The following RAB15 variants were observed in gnomAD, a reference collection of about 807,000 sequenced individuals.
RAB15 encodes RAB15, member RAS oncogene family.
A neutral mutation model predicts 31.8 loss-of-function variants in RAB15; 13 were observed. That is an observed-to-expected ratio of 0.41 (90% CI 0.27 to 0.65). RAB15 has a LOEUF of 0.65. Among genes scored for constraint, RAB15 ranks in the 30% least tolerant of loss-of-function variants. RAB15 has a pLI of 0.32. For synonymous variants in RAB15, 100 were observed against 105.6 expected (o/e 0.95, Z 0.33); for missense variants, 220 against 277.3 (o/e 0.79, Z 1.47).
Position 64,957,325 on chromosome 14 carries a change from C to T in RAB15, c.125-4754G>A, listed in dbSNP as rs368770086. Among the ~76,000 whole-genome samples the T allele has an allele frequency of 1.0e-3, 152 of 152,224 alleles. 3 individuals carry two copies. In the South Asian group the frequency reaches 0.021, roughly 21 times the overall value. On this transcript the variant is annotated intron_variant, in intron 1 of 6. Coordinates refer to ENST00000533601, the MANE Select transcript of RAB15 (RefSeq NM_001308154.2). ...AACGATGTATGTGAAGCACTGACAG[C>T]GTAGTCCTCTCACTCCTACCTTCCC...
rs1887258945 is a variant in RAB15, at chr14:64,968,610, T to C, written c.124+3343A>G. On this transcript the variant is annotated intron_variant, in intron 1 of 6. Transcript: ENST00000533601. This position sits in a 1 kb window ranked among gnomAD's most constrained non-coding sequence, Gnocchi z 4.9. ...CACCAAGTTCTTTCAGATATCTCATTTTGGCACTAGCTCTTTGTTTTTTGT... is the reference window on the plus strand; with the variant it reads ...CACCAAGTTCTTTCAGATATCTCATCTTGGCACTAGCTCTTTGTTTTTTGT... Among the ~76,000 whole-genome samples the C allele has an allele frequency of 6.6e-6, 1 of 152,254 alleles. No homozygotes were observed. Among genetic ancestry groups the C allele is most frequent in the Non-Finnish European group, 1.5e-5 (1 of 68,044 alleles).
chr14:64,954,721 C>T lies in RAB15; in HGVS notation c.125-2150G>A, dbSNP rs1437563375. Among the ~76,000 whole-genome samples, 1 of 152,198 alleles carries T rather than the reference C, an allele frequency of 6.6e-6. No individual in the cohort carries two copies. Among genetic ancestry groups the T allele is most frequent in the African/African-American group, 2.4e-5 (1 of 41,468 alleles). ...ACGTGCAGAGATTCCAACACAGGTCCATCTATGCTGGAACCCACGCTGCCC... is the reference window on the plus strand; with the variant it reads ...ACGTGCAGAGATTCCAACACAGGTCTATCTATGCTGGAACCCACGCTGCCC... On this transcript the variant is annotated intron_variant, in intron 1 of 6. Transcript: ENST00000533601. The surrounding 1 kb of genome is among the most constrained non-coding windows in gnomAD (Gnocchi z 4.3).
intron 1 of RAB15, among the ~76,000 whole-genome samples, chr14:64,960,022 G>T (rs1361004371): frequency 6.6e-6 from 1 of 152,208 alleles, no homozygotes; most frequent in Non-Finnish European, 1.5e-5. Context: ...GTGCCATGCA[G>T]CCATGGCCTG....
chr14:64,965,264 C>T (rs1437801241), intron 1 of RAB15, among the ~76,000 whole-genome samples: 1 of 151,942 alleles, frequency 6.6e-6, no homozygotes, highest in Non-Finnish European at 1.5e-5. Context: ...TCGAGACCAG[C>T]CTGGCCAACA....
At position 64,952,614 on chromosome 14, in the gene RAB15, C is replaced by A. The variant is rs763853301; in HGVS notation, c.125-43G>T. On this transcript the variant is annotated intron_variant, in intron 1 of 6. Transcript: ENST00000533601. This position sits in a 1 kb window ranked among gnomAD's most constrained non-coding sequence, Gnocchi z 4.2. ...GAAAGAAAGTTAGAAAGCGTACCCA[C>A]GAGAAATGAACAGGAAAGGGCCAGG... 6.9e-7 allele frequency: 1 copy of A among 1,448,540 alleles called. No homozygotes were observed. Among genetic ancestry groups the A allele is most frequent in the African/African-American group, 1.4e-5 (1 of 70,896 alleles). The allele number at this position is 1,448,540 out of a possible 1,614,324, so 89.7% of individuals were successfully genotyped here. A position where few individuals can be genotyped will look rare whatever the true frequency, so the allele number is the denominator to read the frequency against.
rs1886014640 is a variant in RAB15, at chr14:64,948,103, G to A, written c.*251C>T. On this transcript the variant is annotated 3_prime_UTR_variant, in exon 7 of 7. Coordinates refer to ENST00000533601, the MANE Select transcript of RAB15 (RefSeq NM_001308154.2). The surrounding 1 kb of genome is among the most constrained non-coding windows in gnomAD (Gnocchi z 7.0). ...AGACAGTGCTTGCGGCACATCGTGGGGGTCGTAGCAGGCCTGTGGCTGGGG... is the reference window on the plus strand; with the variant it reads ...AGACAGTGCTTGCGGCACATCGTGGAGGTCGTAGCAGGCCTGTGGCTGGGG... 1 of 429,958 alleles carries A rather than the reference G, an allele frequency of 2.3e-6. No homozygotes were observed. The highest frequency in any genetic ancestry group is 6.3e-5 in the South Asian group (1 of 15,860). 26.6% of individuals were successfully genotyped at this position (429,958 alleles called of 1,614,324 possible). A position where few individuals can be genotyped will look rare whatever the true frequency, so the allele number is the denominator to read the frequency against.
chr14:64,958,649 AAC>A lies in RAB15; in HGVS notation c.125-6080_125-6079del, dbSNP rs1886700643. On this transcript the variant is annotated intron_variant, in intron 1 of 6. Coordinates refer to ENST00000533601, the MANE Select transcript of RAB15 (RefSeq NM_001308154.2). The surrounding 1 kb of genome is among the most constrained non-coding windows in gnomAD (Gnocchi z 4.4). ...CATCACCCCGACAGTGTCCCTACAA[AAC>A]AGTCTACTTCCTTTCTTGGGTACAG... is the stretch of plus-strand genomic sequence containing the variant. Among the ~76,000 whole-genome samples the A allele has an allele frequency of 6.6e-6, 1 of 152,106 alleles. No individual in the cohort carries two copies. The highest frequency in any genetic ancestry group is 1.5e-5 in the Non-Finnish European group (1 of 68,026).
At position 64,954,271 on chromosome 14, in the gene RAB15, G is replaced by T. The variant is rs1431471436; in HGVS notation, c.125-1700C>A. The T allele has an allele frequency of 1.0e-6, 1 of 985,302 alleles. No homozygotes were observed. Among genetic ancestry groups the T allele is most frequent in the African/African-American group, 1.7e-5 (1 of 57,234 alleles). The allele number at this position is 985,302 out of a possible 1,614,324, so 61.0% of individuals were successfully genotyped here. A position where few individuals can be genotyped will look rare whatever the true frequency, so the allele number is the denominator to read the frequency against. Reference sequence around the variant, plus strand: ...AGGGAGGAAGGGAGGAAGGAGAGAAGCATCAGGCCTTGGGAAGCAGGAGTA... The same window carrying T: ...AGGGAGGAAGGGAGGAAGGAGAGAATCATCAGGCCTTGGGAAGCAGGAGTA... On this transcript the variant is annotated intron_variant, in intron 1 of 6. Coordinates refer to ENST00000533601, the MANE Select transcript of RAB15 (RefSeq NM_001308154.2). The surrounding 1 kb of genome is among the most constrained non-coding windows in gnomAD (Gnocchi z 4.3).
chr14:64,965,034 C>G lies in RAB15; in HGVS notation c.124+6919G>C, dbSNP rs377102846. 2.3e-3 allele frequency among the ~76,000 whole-genome samples: 356 copies of G among 152,354 alleles called. 1 individual carries two copies. Among genetic ancestry groups the G allele is most frequent in the Non-Finnish European group, 3.8e-3 (256 of 68,038 alleles). On this transcript the variant is annotated intron_variant, in intron 1 of 6. Transcript: ENST00000533601. Reference sequence around the variant, plus strand: ...GATCACAGCTCACTGTGGCCTCCAACTCTTGGGCTCAAGCAATCCTTCCAC... The same window carrying G: ...GATCACAGCTCACTGTGGCCTCCAAGTCTTGGGCTCAAGCAATCCTTCCAC...
rs1482517313 is a variant in RAB15 at position 64,948,085 on chromosome 14, G to C, written c.*269C>G. ...GGTGGGTGCGGGATGGTGAGACAGT[G>C]CTTGCGGCACATCGTGGGGGTCGTA... On this transcript the variant is annotated 3_prime_UTR_variant, in exon 7 of 7. Transcript: ENST00000533601. This position sits in a 1 kb window ranked among gnomAD's most constrained non-coding sequence, Gnocchi z 7.0. 1.5e-5 allele frequency: 6 copies of C among 407,426 alleles called. No homozygotes were observed. The highest frequency in any genetic ancestry group is 2.2e-5 in the Non-Finnish European group (5 of 230,936). The allele number at this position is 407,426 out of a possible 1,614,324, so 25.2% of individuals were successfully genotyped here.
chr14:64,964,533 A>AG (rs1887023389), intron 1 of RAB15, among the ~76,000 whole-genome samples: 1 of 151,722 alleles, frequency 6.6e-6, no homozygotes, highest in South Asian at 2.1e-4. Context: ...AAAAAAAAGA[A>AG]AAAAAGAAAA....
In RAB15 at chr14:64,948,568, C is replaced by T. The variant is rs1886049769; in HGVS notation, c.481-56G>A. The stretch of plus-strand genomic sequence containing the variant: ...TGTCTCCTCCTCTCCCCTGGCAACC[C>T]TGCAGCGGCCTGAGGGATAAGGTCC... On this transcript the variant is annotated intron_variant, in intron 6 of 6. Coordinates refer to ENST00000533601, the MANE Select transcript of RAB15 (RefSeq NM_001308154.2). The surrounding 1 kb of genome is among the most constrained non-coding windows in gnomAD (Gnocchi z 7.0). 1 of 1,602,636 alleles carries T rather than the reference C, an allele frequency of 6.2e-7. No homozygotes were observed. The highest frequency in any genetic ancestry group is 1.3e-5 in the African/African-American group (1 of 74,670).
Position 64,952,807 on chromosome 14 carries a change from C to G in RAB15, c.125-236G>C, listed in dbSNP as rs762121819. On this transcript the variant is annotated intron_variant, in intron 1 of 6. Transcript: ENST00000533601. This position sits in a 1 kb window ranked among gnomAD's most constrained non-coding sequence, Gnocchi z 4.2. Reference sequence around the variant, plus strand: ...GCCACAAGTAAAGGCCCTGGGGGACCCAGAGGAGGGAGAGTGAATCTGGGG... The same window carrying G: ...GCCACAAGTAAAGGCCCTGGGGGACGCAGAGGAGGGAGAGTGAATCTGGGG... Among the ~76,000 whole-genome samples, 5 of 152,166 alleles carry G rather than the reference C, an allele frequency of 3.3e-5. No individual in the cohort carries two copies. The highest frequency in any genetic ancestry group is 1.2e-4 in the African/African-American group (5 of 41,432).
intron 1 of RAB15, among the ~76,000 whole-genome samples, chr14:64,959,360 G>A (rs1886736836): frequency 6.6e-6 from 1 of 152,172 alleles, no homozygotes; most frequent in Non-Finnish European, 1.5e-5. Flanking sequence ...CAAGGGGGCT[G>A]GAAGGAAGAC....
rs1400321714 is a variant in RAB15 at position 64,955,932 on chromosome 14, G to A, written c.125-3361C>T. On this transcript the variant is annotated intron_variant, in intron 1 of 6. Transcript: ENST00000533601. This position sits in a 1 kb window ranked among gnomAD's most constrained non-coding sequence, Gnocchi z 4.4. ...AAACTTCCAGGTGCATGAGAATCAC[G>A]CGGGGATTGAGTTAAAATGCAGATT... Among the ~76,000 whole-genome samples the A allele has an allele frequency of 6.6e-6, 1 of 152,212 alleles. No homozygotes were observed. The highest frequency in any genetic ancestry group is 2.4e-5 in the African/African-American group (1 of 41,446).
chr14:64,961,928 A>C (rs1391326745), intron 1 of RAB15, among the ~76,000 whole-genome samples: 1 of 150,950 alleles, frequency 6.6e-6, no homozygotes, highest in African/African-American at 2.4e-5. Flanking sequence ...AAAAAAAAAA[A>C]AACAGGCCGG....
chr14:64,954,954 G>A lies in RAB15; in HGVS notation c.125-2383C>T, dbSNP rs1180739978. 6.6e-6 allele frequency among the ~76,000 whole-genome samples: 1 copy of A among 152,160 alleles called. No homozygotes were observed. Among genetic ancestry groups the A allele is most frequent in the Non-Finnish European group, 1.5e-5 (1 of 68,024 alleles). ...AAGCAGGCAACTGTCCCCAGAGACA[G>A]AACTGACAAGGAGACAGGGTACTCC... On this transcript the variant is annotated intron_variant, in intron 1 of 6. Transcript: ENST00000533601. The surrounding 1 kb of genome is among the most constrained non-coding windows in gnomAD (Gnocchi z 4.3).
intron 1 of RAB15, among the ~76,000 whole-genome samples, chr14:64,961,077 A>G (rs1233993449): frequency 6.6e-6 from 1 of 152,012 alleles, no homozygotes; most frequent in Non-Finnish European, 1.5e-5. Flanking sequence ...CCAAAGGACC[A>G]GCAGTGCGAC....
Position 64,948,337 on chromosome 14 carries a change from G to T in RAB15, c.*17C>A, listed in dbSNP as rs1397052845. Reference sequence around the variant, plus strand: ...CTGAGGGAAGAGGGGTGTCGTGTGGGGTGCCCCACACAGGACTCAGCACCA... The same window carrying T: ...CTGAGGGAAGAGGGGTGTCGTGTGGTGTGCCCCACACAGGACTCAGCACCA... On this transcript the variant is annotated 3_prime_UTR_variant, in exon 7 of 7. Coordinates refer to ENST00000533601, the MANE Select transcript of RAB15 (RefSeq NM_001308154.2). The surrounding 1 kb of genome is among the most constrained non-coding windows in gnomAD (Gnocchi z 7.0). The T allele has an allele frequency of 6.6e-7, 1 of 1,505,038 alleles. No individual in the cohort carries two copies. Among genetic ancestry groups the T allele is most frequent in the East Asian group, 2.4e-5 (1 of 42,124 alleles). The allele number at this position is 1,505,038 out of a possible 1,614,324, so 93.2% of individuals were successfully genotyped here. A position where few individuals can be genotyped will look rare whatever the true frequency, so the allele number is the denominator to read the frequency against.
Sources: gnomAD v4.1 joint callset for allele counts (sites outside exome capture counted in the v4.1 genomes callset) on GRCh38, gnomAD v4.1.1 for gene constraint, Gnocchi (gnomAD v3.1) non-coding constraint, MANE v1.5 for transcripts, NCBI Gene and HGNC (gene_info 2026-07-23, HGNC 2026-07-21) for gene names.